Variants in POLA1 observed in about 807,000 individuals in gnomAD.
POLA1 encodes the protein DNA polymerase alpha 1, catalytic subunit.
Under a neutral mutation model 124.0 loss-of-function variants are expected in POLA1, and 15 were observed. That is an observed-to-expected ratio of 0.12 (90% CI 0.08 to 0.19). POLA1 has a LOEUF of 0.19. Ranked by LOEUF, POLA1 falls within the 10% of genes least tolerant of loss-of-function variation. POLA1 has a pLI of 1.00. For missense variants in POLA1, 886 were observed against 1,103.4 expected (o/e 0.80, Z 2.79); for synonymous variants, 408 against 389.4 (o/e 1.05, Z -0.56).
chrX:24,833,049 T>A (rs1276598206), intron 32 of POLA1, among the ~76,000 whole-genome samples: 1 of 110,934 alleles, frequency 9.0e-6, no homozygotes, highest in Admixed American at 9.6e-5. Flanking sequence ...GTCTTTTATT[T>A]CTCACCCCCA....
chrX:24,979,573 A>G (rs2048399527), intron 36 of POLA1, among the ~76,000 whole-genome samples: 1 of 112,098 alleles, frequency 8.9e-6, no homozygotes, highest in Non-Finnish European at 1.9e-5. Flanking sequence ...TTGTGGTTTG[A>G]TTTGACCCAT....
At chrX:24,973,310 A>G (rs1168177549) in intron 36 of POLA1, among the ~76,000 whole-genome samples, 3 of 110,972 alleles carry the variant, frequency 2.7e-5, no homozygotes, top group African/African-American at 9.9e-5. Context: ...GTTTGCAGTG[A>G]GCTGAGATAG....
intron 26 of POLA1, among the ~76,000 whole-genome samples, chrX:24,772,528 C>T (rs1018651837): frequency 9.1e-6 from 1 of 110,387 alleles, no homozygotes; most frequent in African/African-American, 3.3e-5. Context: ...TTTTCCTGAT[C>T]CTCTCCGTCC....
At chrX:24,697,891 G>C (rs1321011128) in intron 1 of POLA1, among the ~76,000 whole-genome samples, 1 of 110,545 alleles carries the variant, frequency 9.0e-6, no homozygotes, top group African/African-American at 3.3e-5. Context: ...TGTTATGCTT[G>C]ACTTAGTTTT....
intron 26 of POLA1, among the ~76,000 whole-genome samples, chrX:24,808,163 T>C (rs1272158419): frequency 8.9e-6 from 1 of 111,783 alleles, no homozygotes; most frequent in Non-Finnish European, 1.9e-5. Flanking sequence ...CTCATTGCTA[T>C]GGAGTCAGGC....
At chrX:24,696,732 G>C (rs948124592) in intron 1 of POLA1, among the ~76,000 whole-genome samples, 14 of 111,597 alleles carry the variant, frequency 1.3e-4, no homozygotes, top group East Asian at 8.5e-4. Context: ...CCTGTCTGCT[G>C]CTTAACTGGT....
At chrX:24,889,290 C>T (rs2047112142) in intron 35 of POLA1, among the ~76,000 whole-genome samples, 2 of 112,128 alleles carry the variant, frequency 1.8e-5, no homozygotes, top group East Asian at 2.8e-4. Context: ...AGATGCCTTC[C>T]CTCTGTTGAC....
Position 24,741,474 on chromosome X carries a change from G to A in POLA1, c.2316G>A (p.Leu772=). 1 of 1,203,503 alleles carries A rather than the reference G, an allele frequency of 8.3e-7. No individual in the cohort carries two copies. Among genetic ancestry groups the A allele is most frequent in the African/African-American group, 1.7e-5 (1 of 57,589 alleles). Residue 772 remains leucine (L), a synonymous_variant, in exon 21 of 37, where the codon TTG becomes TTA. Transcript: ENST00000379068. ...MCELNVLPLA[L]QITNIAGNIM... Reference sequence around the variant, plus strand: ...AGCTAAATGTTCTTCCATTAGCATTGCAGATCACTAACATCGCTGGGAACA... The same window carrying A: ...AGCTAAATGTTCTTCCATTAGCATTACAGATCACTAACATCGCTGGGAACA...
chrX:24,909,210 C>A (rs2047409953), intron 35 of POLA1, among the ~76,000 whole-genome samples: 1 of 111,720 alleles, frequency 9.0e-6, no homozygotes, highest in South Asian at 3.7e-4. Context: ...ATGGTAGTTT[C>A]TTTTGCTGTG....
intron 36 of POLA1, among the ~76,000 whole-genome samples, chrX:24,937,125 A>G (rs1319318370): frequency 8.9e-6 from 1 of 111,802 alleles, no homozygotes; most frequent in African/African-American, 3.2e-5. Flanking sequence ...CTGACTTGAC[A>G]GTTCAGAACA....
rs750231031 is a variant in POLA1, at chrX:24,717,585, G to A, written c.914G>A (p.Ser305Asn). Residue 305 changes from serine to asparagine, a missense_variant, in exon 10 of 37, where the codon AGT (serine) becomes AAT (asparagine). Physicochemically the swap from Ser to Asn is conservative, Grantham distance 46 (BLOSUM62 1). Coordinates refer to ENST00000379068, the MANE Select transcript of POLA1 (RefSeq NM_001330360.2). ...SGKGTVSYLGSFLPDVSCWDI... is the reference protein window; with the variant it reads ...SGKGTVSYLGNFLPDVSCWDI... ...TGAAAATGTGATTTCTGCAGAGGAA[G>A]TTTTCTCCCGGATGTCTCTTGTTGG... 2 of 1,208,684 alleles carry A rather than the reference G, an allele frequency of 1.7e-6. No homozygotes were observed. Among genetic ancestry groups the A allele is most frequent in the Non-Finnish European group, 2.2e-6 (2 of 893,328 alleles).
chrX:24,887,527 A>G (rs2047079801), intron 34 of POLA1, among the ~76,000 whole-genome samples: 1 of 112,444 alleles, frequency 8.9e-6, no homozygotes, highest in South Asian at 3.7e-4. Flanking sequence ...CATCATTGCA[A>G]CAACGGTATA....
At chrX:24,853,443 TACCCATGC>T (rs2046592521) in intron 34 of POLA1, among the ~76,000 whole-genome samples, 2 of 112,240 alleles carry the variant, frequency 1.8e-5, no homozygotes, top group African/African-American at 6.5e-5. Flanking sequence ...GCAGATCATT[TACCCATGC>T]ATGATTTTGT....
chrX:24,821,597 A>G lies in POLA1; in HGVS notation c.3561+14A>G. The G allele has an allele frequency of 8.5e-7, 1 of 1,177,379 alleles. No homozygotes were observed. The highest frequency in any genetic ancestry group is 1.2e-6 in the Non-Finnish European group (1 of 867,840). On this transcript the variant is annotated intron_variant, in intron 31 of 36. Coordinates refer to ENST00000379068, the MANE Select transcript of POLA1 (RefSeq NM_001330360.2). ...GTCATCTGTCAGGTAAACTATTGAC[A>G]TTCGTAAGACTCTGACACCTCTTAA...
intron 36 of POLA1, among the ~76,000 whole-genome samples, chrX:24,987,021 A>G (rs2048487749): frequency 9.0e-6 from 1 of 111,534 alleles, no homozygotes; most frequent in Non-Finnish European, 1.9e-5. Flanking sequence ...CTTAAAAAGG[A>G]ATACAGCAAA....
At chrX:24,861,991 G>A (rs1424909744) in intron 34 of POLA1, among the ~76,000 whole-genome samples, 2 of 111,180 alleles carry the variant, frequency 1.8e-5, no homozygotes, top group Non-Finnish European at 3.8e-5. Context: ...TTTAAGTCAG[G>A]AATCGTTCCT....
chrX:24,696,417 T>C (rs939580614), intron 1 of POLA1, among the ~76,000 whole-genome samples: 1 of 112,325 alleles, frequency 8.9e-6, no homozygotes, highest in African/African-American at 3.2e-5. Context: ...CCTTAGGACA[T>C]TGCTGACATT....
chrX:24,779,084 C>G (rs1259532451), intron 26 of POLA1, among the ~76,000 whole-genome samples: 1 of 104,932 alleles, frequency 9.5e-6, no homozygotes, highest in Non-Finnish European at 2.0e-5. Context: ...TTCTTTCTTT[C>G]TTTTTTTTTT....
At chrX:24,885,460 A>G (rs1200776995) in intron 34 of POLA1, among the ~76,000 whole-genome samples, 1 of 111,773 alleles carries the variant, frequency 8.9e-6, no homozygotes, top group Non-Finnish European at 1.9e-5. Context: ...TGTCAGCTCC[A>G]CTATTCCCCA....
Sources: allele counts gnomAD v4.1 joint callset (sites outside exome capture counted in the v4.1 genomes callset), GRCh38; gene constraint gnomAD v4.1.1; transcripts MANE v1.5; gene names NCBI Gene and HGNC (gene_info 2026-07-23, HGNC 2026-07-21).